Variants in AATF observed in about 807,000 individuals in gnomAD.
AATF encodes the protein protein AATF.
AATF carries 48 observed loss-of-function variants against 63.7 expected under a neutral mutation model. The ratio of observed to expected loss-of-function variants is 0.75; its 90% CI spans 0.60 to 0.96. The LOEUF is 0.96. AATF is among the 40% of genes least tolerant of loss of function. AATF has a pLI of 0.00. For missense variants in AATF, 639 were observed against 685.7 expected (o/e 0.93, Z 0.76); for synonymous variants, 258 against 247.7 (o/e 1.04, Z -0.39).
At chr17:37,056,065 C>T (rs571319545) in intron 11 of AATF, 1 of 152,368 alleles carries the variant, frequency 6.6e-6, no homozygotes, top group East Asian at 1.9e-4. Flanking sequence ...ATTAGCCAAT[C>T]ATATTATTTA....
rs537311881 is a variant in AATF, at chr17:37,003,375, A to G, written c.1398+12518A>G. ...AACTTTTAGAAAAAAAACAGGAGTA[A>G]ATCTTCATGCTGCAGGTAGATTAAG... is the stretch of plus-strand genomic sequence containing the variant. On this transcript the variant is annotated intron_variant, in intron 8 of 11. Transcript: ENST00000619387. Among the ~76,000 whole-genome samples the G allele has an allele frequency of 2.8e-4, 42 of 152,264 alleles. 1 individual carries two copies. In the South Asian group the frequency reaches 8.7e-3, roughly 32 times the overall value.
At chr17:37,049,152 A>G (rs1324306337) in intron 11 of AATF, among the ~76,000 whole-genome samples, 1 of 152,204 alleles carries the variant, frequency 6.6e-6, no homozygotes, top group Non-Finnish European at 1.5e-5. Flanking sequence ...TAGACCCAGT[A>G]AGGACCTGAG....
intron 7 of AATF, 22 bp from the exon 8 acceptor site, chr17:36,990,752 T>G (rs930299278): frequency 6.6e-7 from 1 of 1,512,004 alleles, no homozygotes; most frequent in South Asian, 1.2e-5. Context: ...ATTCACTCTT[T>G]TCTTACTCAT....
chr17:36,954,921 A>C (rs2070887153), intron 4 of AATF, among the ~76,000 whole-genome samples: 1 of 152,102 alleles, frequency 6.6e-6, no homozygotes. Context: ...GTATATATCT[A>C]TATCTAGATA....
chr17:36,977,458 T>G (rs976530754), intron 4 of AATF, among the ~76,000 whole-genome samples: 1 of 152,174 alleles, frequency 6.6e-6, no homozygotes, highest in South Asian at 2.1e-4. Flanking sequence ...AGAGACAGTT[T>G]CACCACAGCA....
chr17:36,986,749 T>C lies in AATF; in HGVS notation c.947+18T>C, dbSNP rs372024005. 4 of 1,583,168 alleles carry C rather than the reference T, an allele frequency of 2.5e-6. No individual in the cohort carries two copies. In the African/African-American group the frequency reaches 5.4e-5, roughly 21 times the overall value. On this transcript the variant is annotated intron_variant, in intron 5 of 11. Transcript: ENST00000619387. ...GCGGGAAGGTAAGAGAACAGAATCA[T>C]GGAGTTGCTTATTTTCTTTTCATTT...
chr17:37,049,881 G>C (rs1041936193), intron 11 of AATF, among the ~76,000 whole-genome samples: 3 of 152,170 alleles, frequency 2.0e-5, no homozygotes, highest in Non-Finnish European at 4.4e-5. Flanking sequence ...GGAAGACAGA[G>C]AGAGAAGTAT....
chr17:37,026,406 C>A lies in AATF; in HGVS notation c.1548-5208C>A, dbSNP rs746832456. Among the ~76,000 whole-genome samples the A allele has an allele frequency of 4.6e-5, 7 of 152,340 alleles. No individual in the cohort carries two copies. The East Asian group carries it at 1.2e-3, about 25-fold the overall frequency. ...TCAGAATCAGAGAGTAGTCTTTACT[C>A]ATAGCAATAGCGTAAGAACTAACAT... On this transcript the variant is annotated intron_variant, in intron 10 of 11. Transcript: ENST00000619387.
chr17:36,979,811 A>T (rs2071107390), intron 4 of AATF, among the ~76,000 whole-genome samples: 1 of 152,198 alleles, frequency 6.6e-6, no homozygotes, highest in Non-Finnish European at 1.5e-5. Flanking sequence ...TTCCTCGCTT[A>T]CAGTTTTGTT....
intron 11 of AATF, among the ~76,000 whole-genome samples, chr17:37,035,694 G>A (rs143122499): frequency 7.3e-6 from 1 of 137,518 alleles, no homozygotes; most frequent in Admixed American, 7.0e-5. Context: ...TGATTTACCT[G>A]CCTCGGCCTC....
intron 8 of AATF, among the ~76,000 whole-genome samples, chr17:36,996,819 A>C (rs2142258533): frequency 6.6e-6 from 1 of 152,316 alleles, no homozygotes; most frequent in Non-Finnish European, 1.5e-5. Flanking sequence ...GCGTCAAGGT[A>C]AGGTGCACAT....
At chr17:36,951,272 G>A (rs2070852888) in intron 2 of AATF, among the ~76,000 whole-genome samples, 2 of 152,146 alleles carry the variant, frequency 1.3e-5, no homozygotes, top group Admixed American at 6.5e-5. Context: ...CCTTGATGTA[G>A]TTCTGGGAGC....
intron 4 of AATF, among the ~76,000 whole-genome samples, chr17:36,972,516 T>A (rs1400813112): frequency 6.6e-6 from 1 of 152,224 alleles, no homozygotes; most frequent in Non-Finnish European, 1.5e-5. Context: ...TAGGCTGCAC[T>A]GCAGGAAAAG....
chr17:37,031,716 T>C, intron 11 of AATF, 31 bp downstream of exon 11: 1 of 1,566,852 alleles, frequency 6.4e-7, no homozygotes, highest in Non-Finnish European at 8.8e-7. Context: ...GTGTCTCAAA[T>C]GGCTTCATGA....
At chr17:36,955,724 C>G (rs1217449263) in intron 4 of AATF, among the ~76,000 whole-genome samples, 1 of 152,134 alleles carries the variant, frequency 6.6e-6, no homozygotes, top group Non-Finnish European at 1.5e-5. Context: ...AGGGGTTAGT[C>G]AGTGTCCAGT....
At chr17:36,950,470 G>A in intron 2 of AATF, 65 bp downstream of exon 2, 1 of 1,476,042 alleles carries the variant, frequency 6.8e-7, no homozygotes, top group South Asian at 1.2e-5. Flanking sequence ...AAATCCTCCG[G>A]TCATCCCCCA....
intron 4 of AATF, among the ~76,000 whole-genome samples, chr17:36,960,069 A>C (rs2070934618): frequency 6.6e-6 from 1 of 150,686 alleles, no homozygotes; most frequent in Admixed American, 6.7e-5. Flanking sequence ...GCTGGAGTGC[A>C]GTGGTGCGAC....
chr17:37,056,698 G>A lies in AATF; in HGVS notation c.*34G>A. 6.2e-7 allele frequency: 1 copy of A among 1,608,186 alleles called. No homozygotes were observed. On this transcript the variant is annotated 3_prime_UTR_variant, in exon 12 of 12. Coordinates refer to ENST00000619387, the MANE Select transcript of AATF (RefSeq NM_012138.4). ...ACCTCCGACACCCAGTGGGCGCCTT[G>A]GCTGGTGCGGCTGCTGGTCCAGATG...
chr17:36,962,107 C>T (rs2070952443), intron 4 of AATF, among the ~76,000 whole-genome samples: 3 of 152,214 alleles, frequency 2.0e-5, no homozygotes, highest in Middle Eastern at 6.8e-3. Context: ...TATTATTGAT[C>T]TTCTTTTTGC....
Sources: gnomAD v4.1 joint callset for allele counts (sites outside exome capture counted in the v4.1 genomes callset) on GRCh38, gnomAD v4.1.1 for gene constraint, MANE v1.5 for transcripts, NCBI Gene and HGNC (gene_info 2026-07-23, HGNC 2026-07-21) for gene names.